The following CTNNA3 variants were observed in gnomAD, a reference collection of about 807,000 sequenced individuals.
CTNNA3 encodes the protein catenin alpha 3, also known as catenin alpha-3.
A neutral mutation model predicts 95.7 loss-of-function variants in CTNNA3; 76 were observed. The ratio of observed to expected loss-of-function variants is 0.79; its 90% CI spans 0.66 to 0.96. The LOEUF (loss-of-function observed/expected upper bound fraction) is 0.96, where lower values mean the gene tolerates loss of function less well. Ranked by LOEUF, CTNNA3 falls within the 40% of genes least tolerant of loss-of-function variation. CTNNA3 has a pLI of 0.00. For synonymous variants in CTNNA3, 431 were observed against 374.4 expected (o/e 1.15, Z -1.74); for missense variants, 1,191 against 1,089.8 (o/e 1.09, Z -1.31).
At chr10:66,395,526 T>C (rs914040080) in intron 11 of CTNNA3, among the ~76,000 whole-genome samples, 1 of 150,316 alleles carries the variant, frequency 6.7e-6, no homozygotes, top group Non-Finnish European at 1.5e-5. Context: ...AATAAAAAAA[T>C]ACAAGGCAAA....
At chr10:67,284,565 T>C (rs1305519649) in intron 5 of CTNNA3, among the ~76,000 whole-genome samples, 1 of 152,194 alleles carries the variant, frequency 6.6e-6, no homozygotes, top group Non-Finnish European at 1.5e-5. Flanking sequence ...TAATGGCAAA[T>C]GTACCCTTTG....
chr10:66,116,594 T>C (rs2082349883), intron 13 of CTNNA3, among the ~76,000 whole-genome samples: 2 of 152,130 alleles, frequency 1.3e-5, no homozygotes, highest in African/African-American at 2.4e-5. Context: ...GATCTAAAAA[T>C]AATTATACTG....
chr10:66,011,377 G>C (rs966222478), intron 15 of CTNNA3, among the ~76,000 whole-genome samples: 3 of 151,404 alleles, frequency 2.0e-5, no homozygotes, highest in African/African-American at 7.3e-5. Context: ...CTATTCTCCT[G>C]CTAGTTAAAA....
At chr10:66,271,043 C>T (rs1201286425) in intron 13 of CTNNA3, among the ~76,000 whole-genome samples, 7 of 152,102 alleles carry the variant, frequency 4.6e-5, no homozygotes. Flanking sequence ...TTGTATTCTC[C>T]TATGGTAAGA....
chr10:66,270,931 C>T (rs1299285474), intron 13 of CTNNA3, among the ~76,000 whole-genome samples: 2 of 152,052 alleles, frequency 1.3e-5, no homozygotes, highest in African/African-American at 2.4e-5. Flanking sequence ...TAACAAATTG[C>T]CCAAAAAGTG....
At chr10:66,481,054 G>A (rs1839505198) in intron 11 of CTNNA3, among the ~76,000 whole-genome samples, 1 of 152,086 alleles carries the variant, frequency 6.6e-6, no homozygotes, top group African/African-American at 2.4e-5. Flanking sequence ...GTAAATAAAG[G>A]AGAACACCAA....
chr10:66,345,538 ATT>A (rs1007336708), intron 12 of CTNNA3, among the ~76,000 whole-genome samples: 49 of 151,618 alleles, frequency 3.2e-4, no homozygotes, highest in African/African-American at 1.1e-3. Context: ...AGAGGGTTTT[ATT>A]TTTTTTCTCT....
chr10:66,924,803 T>G (rs995193415), intron 7 of CTNNA3, among the ~76,000 whole-genome samples: 3 of 152,078 alleles, frequency 2.0e-5, no homozygotes, highest in Admixed American at 6.6e-5. Flanking sequence ...AAACATGAAG[T>G]GAGTTTTTGT....
In CTNNA3 at chr10:67,252,910, C is replaced by G. The variant is rs148628895; in HGVS notation, c.580-33040G>C. Among the ~76,000 whole-genome samples the G allele has an allele frequency of 3.5e-3, 534 of 152,290 alleles. 1 individual carries two copies. Among genetic ancestry groups the G allele is most frequent in the African/African-American group, 0.012 (498 of 41,562 alleles). On this transcript the variant is annotated intron_variant, in intron 5 of 17. Coordinates refer to ENST00000433211, the MANE Select transcript of CTNNA3 (RefSeq NM_013266.4). ...TTATGCACTGTATCTGTAAAGTTTG[C>G]AGTTTGAGGTATGACAACCAAACTA...
At chr10:67,368,488 A>G (rs751014945) in intron 5 of CTNNA3, among the ~76,000 whole-genome samples, 1 of 152,206 alleles carries the variant, frequency 6.6e-6, no homozygotes, top group African/African-American at 2.4e-5. Flanking sequence ...CTACCATGTG[A>G]CTAAGCCACT....
intron 7 of CTNNA3, among the ~76,000 whole-genome samples, chr10:67,011,911 C>G (rs1198215008): frequency 2.6e-5 from 4 of 152,140 alleles, no homozygotes; most frequent in Non-Finnish European, 5.9e-5. Context: ...TTCATAAACA[C>G]CTGCCCTTGA....
chr10:67,326,832 A>G (rs1359043135), intron 5 of CTNNA3, among the ~76,000 whole-genome samples: 1 of 152,024 alleles, frequency 6.6e-6, no homozygotes, highest in Non-Finnish European at 1.5e-5. Flanking sequence ...AGTTGGTTCC[A>G]TTTTCCCCAT....
chr10:66,443,788 C>T (rs540498435), intron 11 of CTNNA3, among the ~76,000 whole-genome samples: 28 of 152,292 alleles, frequency 1.8e-4, no homozygotes, highest in Non-Finnish European at 2.9e-4. Context: ...CAAAGGAACA[C>T]AGCTCCTCAC....
Position 67,577,714 on chromosome 10 carries a change from G to GTATGTGTATATATATACACACATA in CTNNA3, c.292+29142_292+29143insTATGTGTGTATATATATACACATA, listed in dbSNP as rs907551900. ...TATATACACACATATGTGTGTGTGT[G>GTATGTGTATATATATACACACATA]TGTGTGTGTATATATACTACATTTT... On this transcript the variant is annotated intron_variant, in intron 3 of 17. Coordinates refer to ENST00000433211, the MANE Select transcript of CTNNA3 (RefSeq NM_013266.4). Among the ~76,000 whole-genome samples, 196 of 151,550 alleles carry GTATGTGTATATATATACACACATA rather than the reference G, an allele frequency of 1.3e-3. 1 individual carries two copies. Among genetic ancestry groups the GTATGTGTATATATATACACACATA allele is most frequent in the African/African-American group, 4.0e-3 (164 of 41,084 alleles).
Position 66,360,812 on chromosome 10 carries a change from C to CTTTCTTT in CTNNA3, c.1732+18339_1732+18340insAAAGAAA, listed in dbSNP as rs1564897249. Among the ~76,000 whole-genome samples, 380 of 52,302 alleles carry CTTTCTTT rather than the reference C, an allele frequency of 7.3e-3. 14 individuals are homozygous for CTTTCTTT. Among genetic ancestry groups the CTTTCTTT allele is most frequent in the East Asian group, 0.033 (56 of 1,702 alleles). 34.3% of individuals were successfully genotyped at this position (52,302 alleles called of 152,430 possible). ...TCCTTCCTTCCTTCCTTCCTTCCTT[C>CTTTCTTT]CTTCCTTTCTTTCTTTCTTTCTTTC... On this transcript the variant is annotated intron_variant, in intron 12 of 17. Coordinates refer to ENST00000433211, the MANE Select transcript of CTNNA3 (RefSeq NM_013266.4).
chr10:67,106,342 T>C (rs2131958357), intron 7 of CTNNA3, among the ~76,000 whole-genome samples: 1 of 152,344 alleles, frequency 6.6e-6, no homozygotes, highest in Middle Eastern at 3.4e-3. Context: ...CTATTGTCTG[T>C]AATGAAAACA....
chr10:66,009,147 T>C (rs2078956686), intron 15 of CTNNA3, among the ~76,000 whole-genome samples: 1 of 152,052 alleles, frequency 6.6e-6, no homozygotes. Context: ...TGATAACTAA[T>C]TTTACTGGCC....
chr10:67,101,630 A>AT (rs1465945273), intron 7 of CTNNA3, among the ~76,000 whole-genome samples: 1 of 151,738 alleles, frequency 6.6e-6, no homozygotes, highest in African/African-American at 2.4e-5. Flanking sequence ...TACAAATTAC[A>AT]TTTTTACAAG....
chr10:67,626,020 T>A lies in CTNNA3; in HGVS notation c.100-18971A>T, dbSNP rs138723588. ...AAACAGATCCCTTCTCTACAAAAAA[T>A]TAATTTAAAAAATTAGCCAGGTGTG... On this transcript the variant is annotated intron_variant, in intron 2 of 17. Coordinates refer to ENST00000433211, the MANE Select transcript of CTNNA3 (RefSeq NM_013266.4). 7.7e-3 allele frequency among the ~76,000 whole-genome samples: 1,177 copies of A among 152,038 alleles called. 7 individuals carry two copies. Among genetic ancestry groups the A allele is most frequent in the Non-Finnish European group, 9.2e-3 (628 of 67,972 alleles).
Sources: allele counts gnomAD v4.1 joint callset (sites outside exome capture counted in the v4.1 genomes callset), GRCh38; gene constraint gnomAD v4.1.1; transcripts MANE v1.5; gene names NCBI Gene and HGNC (gene_info 2026-07-23, HGNC 2026-07-21).